MIPEP: variants seen among roughly 807,000 people sequenced by gnomAD.
MIPEP encodes mitochondrial intermediate peptidase.
A neutral mutation model predicts 90.3 loss-of-function variants in MIPEP; 79 were observed. That is an observed-to-expected ratio of 0.87 (90% confidence interval 0.73 to 1.05). The LOEUF (loss-of-function observed/expected upper bound fraction) is 1.05, where lower values mean the gene tolerates loss of function less well. Ranked by LOEUF, MIPEP falls within the 50% of genes least tolerant of loss-of-function variation. The pLI is 0.00. For synonymous variants in MIPEP, 334 were observed against 315.8 expected, an observed-to-expected ratio of 1.06 and a Z score of -0.61; for missense variants, 940 against 905.6, an observed-to-expected ratio of 1.04 and a Z score of -0.49.
chr13:23,874,800 ATGTT>A (rs756927981), intron 5 of MIPEP, 42 bp downstream of exon 5: 1 of 1,485,106 alleles, frequency 6.7e-7, no homozygotes, highest in Non-Finnish European at 9.2e-7. Context: ...TATCAACTAA[ATGTT>A]AGTAAAACTG....
At chr13:23,826,164 A>G (rs996576939) in intron 14 of MIPEP, among the ~76,000 whole-genome samples, 1 of 152,206 alleles carries the variant, frequency 6.6e-6, no homozygotes, top group African/African-American at 2.4e-5. Flanking sequence ...GCTTTTATGC[A>G]TCTAATAAAA....
intron 3 of MIPEP, 24 bp downstream of exon 3, chr13:23,881,675 G>A (rs1389136181): frequency 5.7e-6 from 9 of 1,583,580 alleles, no homozygotes; most frequent in Non-Finnish European, 7.8e-6. Flanking sequence ...TTGGCATGGA[G>A]GTGGGGAGGG....
intron 14 of MIPEP, among the ~76,000 whole-genome samples, chr13:23,816,286 T>G (rs532942745): frequency 1.2e-4 from 19 of 152,228 alleles, no homozygotes; most frequent in Non-Finnish European, 2.1e-4. Flanking sequence ...TTGAATTGCA[T>G]GTATGTTACA....
intron 10 of MIPEP, among the ~76,000 whole-genome samples, chr13:23,852,943 A>C (rs1033187415): frequency 6.6e-6 from 1 of 152,210 alleles, no homozygotes; most frequent in Non-Finnish European, 1.5e-5. Flanking sequence ...TATAACAAAA[A>C]AATTTAAAAA....
intron 14 of MIPEP, among the ~76,000 whole-genome samples, chr13:23,811,144 C>A (rs959267472): frequency 6.6e-6 from 1 of 152,170 alleles, no homozygotes; most frequent in Non-Finnish European, 1.5e-5. Flanking sequence ...CAGATTGTGT[C>A]AAAATGTTCA....
At chr13:23,768,556 A>C (rs991015325) in intron 16 of MIPEP, among the ~76,000 whole-genome samples, 2 of 152,144 alleles carry the variant, frequency 1.3e-5, no homozygotes, top group African/African-American at 2.4e-5. Flanking sequence ...TCTCTACCAA[A>C]AAAACAAAAC....
intron 16 of MIPEP, among the ~76,000 whole-genome samples, chr13:23,788,046 T>A (rs1290408155): frequency 1.3e-5 from 2 of 152,184 alleles, no homozygotes; most frequent in Admixed American, 1.3e-4. Context: ...GTTTGTGTGT[T>A]TCCTCTTCTG....
intron 16 of MIPEP, among the ~76,000 whole-genome samples, chr13:23,779,896 AG>A (rs1212375065): frequency 6.6e-6 from 1 of 152,246 alleles, no homozygotes; most frequent in Non-Finnish European, 1.5e-5. Flanking sequence ...GCAAGGCAGC[AG>A]CGAGGCTGGG....
intron 18 of MIPEP, among the ~76,000 whole-genome samples, chr13:23,740,969 AG>A (rs1341285169): frequency 6.6e-6 from 1 of 152,186 alleles, no homozygotes; most frequent in Non-Finnish European, 1.5e-5. Flanking sequence ...TGCCCAGGAG[AG>A]GGGAGGTCTG....
chr13:23,818,445 T>G (rs997815367), intron 14 of MIPEP, among the ~76,000 whole-genome samples: 5 of 135,986 alleles, frequency 3.7e-5, no homozygotes, highest in Non-Finnish European at 6.3e-5. Flanking sequence ...TAAAAATAAA[T>G]AAATGAATAA....
intron 16 of MIPEP, among the ~76,000 whole-genome samples, chr13:23,795,662 T>G (rs1952949989): frequency 6.6e-6 from 1 of 152,168 alleles, no homozygotes; most frequent in African/African-American, 2.4e-5. Flanking sequence ...TGCTACACTT[T>G]TATATTAACA....
intron 17 of MIPEP, among the ~76,000 whole-genome samples, chr13:23,757,764 G>A (rs2148235): frequency 0.5 from 75,729 of 151,968 alleles, 19,365 homozygotes; most frequent in East Asian, 0.79. Context: ...CACAAGGAAC[G>A]CTGTTAATGA....
At chr13:23,838,573 T>C (rs569701062) in intron 12 of MIPEP, among the ~76,000 whole-genome samples, 2 of 152,286 alleles carry the variant, frequency 1.3e-5, no homozygotes, top group African/African-American at 4.8e-5. Flanking sequence ...TATCACTTAT[T>C]CTCCACAACA....
chr13:23,769,458 C>G (rs1007096693), intron 16 of MIPEP, among the ~76,000 whole-genome samples: 3 of 152,158 alleles, frequency 2.0e-5, no homozygotes, highest in African/African-American at 7.2e-5. Context: ...TCTCTCCAGG[C>G]ATAGAGTACA....
At chr13:23,887,560 C>T (rs1031926095) in intron 1 of MIPEP, among the ~76,000 whole-genome samples, 1 of 152,142 alleles carries the variant, frequency 6.6e-6, no homozygotes, top group African/African-American at 2.4e-5. Context: ...GTTTGAAAGT[C>T]TTCTCTCCTG....
At position 23,836,238 on chromosome 13, in the gene MIPEP, A is replaced by G; in HGVS notation, c.1653+2T>C. 2 of 1,568,548 alleles carry G rather than the reference A, an allele frequency of 1.3e-6. No individual in the cohort carries two copies. Among genetic ancestry groups the G allele is most frequent in the Non-Finnish European group, 1.7e-6 (2 of 1,152,092 alleles). On this transcript the variant is annotated splice_donor_variant, in intron 14 of 18. Coordinates refer to ENST00000382172, the MANE Select transcript of MIPEP (RefSeq NM_005932.4). LOFTEE classifies it high-confidence loss of function. Reference sequence around the variant, plus strand: ...ACAAGACGACAATATTACTGTTCCTACCTGTCCAGTCTGATAATGTCTGGC... The same window carrying G: ...ACAAGACGACAATATTACTGTTCCTGCCTGTCCAGTCTGATAATGTCTGGC...
intron 16 of MIPEP, among the ~76,000 whole-genome samples, chr13:23,796,424 A>C (rs1952962249): frequency 6.6e-6 from 1 of 152,130 alleles, no homozygotes; most frequent in Non-Finnish European, 1.5e-5. Flanking sequence ...CTCAAAAAAA[A>C]ACCAAACAAA....
intron 14 of MIPEP, among the ~76,000 whole-genome samples, chr13:23,826,945 T>C (rs1026855333): frequency 6.6e-6 from 1 of 152,240 alleles, no homozygotes; most frequent in African/African-American, 2.4e-5. Flanking sequence ...ATGTACAGAC[T>C]TTTTTCTTGT....
At chr13:23,750,420 T>C (rs1169241126) in intron 18 of MIPEP, among the ~76,000 whole-genome samples, 1 of 152,196 alleles carries the variant, frequency 6.6e-6, no homozygotes, top group Admixed American at 6.5e-5. Context: ...CCTTGACAGT[T>C]TTGAGGAGTA....
Sources: gnomAD v4.1 joint callset for allele counts (sites outside exome capture counted in the v4.1 genomes callset) on GRCh38, gnomAD v4.1.1 for gene constraint, MANE v1.5 for transcripts, NCBI Gene and HGNC (gene_info 2026-07-23, HGNC 2026-07-21) for gene names.